The following DPF3 variants were observed in gnomAD, a reference collection of about 807,000 sequenced individuals.
The protein encoded by DPF3 is zinc finger protein DPF3.
DPF3 carries 18 observed loss-of-function variants against 56.8 expected under a neutral mutation model. That is an observed-to-expected ratio of 0.32 (90% CI 0.22 to 0.47). The LOEUF is 0.47. DPF3 is among the 20% of genes least tolerant of loss of function. DPF3 has a pLI of 1.00. For synonymous variants in DPF3, 188 were observed against 180.2 expected, an observed-to-expected ratio of 1.04 and a Z score of -0.35; for missense variants, 403 against 488.8, an observed-to-expected ratio of 0.82 and a Z score of 1.65.
intron 1 of DPF3, chr14:72,836,503 T>A (rs947504390): frequency 1.0e-6 from 1 of 985,302 alleles, no homozygotes; most frequent in African/African-American, 1.7e-5. Context: ...TCCCTTGGGG[T>A]TCTGACCACC....
intron 3 of DPF3, among the ~76,000 whole-genome samples, chr14:72,736,170 T>A (rs1889886470): frequency 1.3e-5 from 2 of 152,210 alleles, no homozygotes; most frequent in Admixed American, 1.3e-4. Context: ...AATAAGATAT[T>A]GTATCCGATC....
rs113857618 is a variant in DPF3, at chr14:72,746,309, G to A, written c.301+6955C>T. 7.4e-3 allele frequency among the ~76,000 whole-genome samples: 1,125 copies of A among 152,336 alleles called. 15 individuals are homozygous for A. The highest frequency in any genetic ancestry group is 0.026 in the African/African-American group (1,085 of 41,572). ...TGGCTGCTTGGAGGTACCAGGCTGA[G>A]GCTCGTTACCACTGACTCCAGGGCA... On this transcript the variant is annotated intron_variant, in intron 3 of 10. Coordinates refer to ENST00000556509, the MANE Select transcript of DPF3 (RefSeq NM_001280542.3).
intron 2 of DPF3, among the ~76,000 whole-genome samples, chr14:72,768,402 GT>G (rs1365706531): frequency 6.6e-6 from 1 of 152,150 alleles, no homozygotes; most frequent in Non-Finnish European, 1.5e-5. Context: ...GTGTTGGGTG[GT>G]AATAGAATAG....
At chr14:72,681,586 A>G (rs1599352787) in intron 7 of DPF3, among the ~76,000 whole-genome samples, 1 of 152,296 alleles carries the variant, frequency 6.6e-6, no homozygotes, top group South Asian at 2.1e-4. Context: ...CACCCTTCCT[A>G]TGCCTGCCTT....
At chr14:72,819,072 G>A (rs1277038991) in intron 1 of DPF3, among the ~76,000 whole-genome samples, 1 of 152,164 alleles carries the variant, frequency 6.6e-6, no homozygotes, top group Non-Finnish European at 1.5e-5. Context: ...CACAAAAGAA[G>A]ATAGCCAATA....
intron 1 of DPF3, among the ~76,000 whole-genome samples, chr14:72,842,351 G>A (rs569848997): frequency 1.3e-5 from 2 of 152,234 alleles, no homozygotes; most frequent in South Asian, 2.1e-4. Context: ...AGTAAAATGG[G>A]AAAATAAATC....
chr14:72,753,561 C>G lies in DPF3; in HGVS notation c.194-190G>C, dbSNP rs186817286. On this transcript the variant is annotated intron_variant, in intron 2 of 10. Transcript: ENST00000556509. ...AGGTCATCTGACCCCAGGACCCTGG[C>G]TCTGTCAGCTCCACCATGCTGTTCA... Among the ~76,000 whole-genome samples, 7 of 152,316 alleles carry G rather than the reference C, an allele frequency of 4.6e-5. No homozygotes were observed. The East Asian group carries it at 1.2e-3, about 25-fold the overall frequency.
At chr14:72,861,788 A>AAAGAAAGC (rs1885444132) in intron 1 of DPF3, among the ~76,000 whole-genome samples, 1 of 151,152 alleles carries the variant, frequency 6.6e-6, no homozygotes, top group Admixed American at 6.6e-5. Flanking sequence ...AGAAAGAAAG[A>AAAGAAAGC]AAGAAAGAAA....
At chr14:72,690,699 ATG>A (rs1176476207) in intron 7 of DPF3, among the ~76,000 whole-genome samples, 1 of 152,118 alleles carries the variant, frequency 6.6e-6, no homozygotes, top group Non-Finnish European at 1.5e-5. Flanking sequence ...ACCAAGGAAA[ATG>A]AGACACAGAC....
intron 9 of DPF3, among the ~76,000 whole-genome samples, chr14:72,621,199 A>C (rs1472108228): frequency 6.6e-6 from 1 of 151,974 alleles, no homozygotes; most frequent in Non-Finnish European, 1.5e-5. Flanking sequence ...CATTTGGAAC[A>C]TGCCTCTTTT....
intron 1 of DPF3, among the ~76,000 whole-genome samples, chr14:72,811,897 C>A (rs1364610325): frequency 6.6e-6 from 1 of 151,984 alleles, no homozygotes; most frequent in Non-Finnish European, 1.5e-5. Context: ...CTCCAGGGCA[C>A]CCAGCCCTGG....
intron 8 of DPF3, among the ~76,000 whole-genome samples, chr14:72,656,504 T>C (rs907445785): frequency 1.3e-5 from 2 of 152,166 alleles, no homozygotes; most frequent in African/African-American, 4.8e-5. Context: ...TCATCACCTC[T>C]CAAAAAAGTA....
At chr14:72,719,345 G>A (rs992441805) in intron 5 of DPF3, among the ~76,000 whole-genome samples, 3 of 151,840 alleles carry the variant, frequency 2.0e-5, no homozygotes, top group African/African-American at 7.3e-5. Context: ...TTACAGTTGT[G>A]AGCCACCGCA....
rs1044491690 is a variant in DPF3 at position 72,609,232 on chromosome 14, C to T, written c.*10065G>A. ...CGAGGGGTCCCAAAGAAGAAGGCTG[C>T]TCGATCCCCACATTCTTCATCTCAT... On this transcript the variant is annotated 3_prime_UTR_variant, in exon 11 of 11. Transcript: ENST00000556509. Among the ~76,000 whole-genome samples the T allele has an allele frequency of 6.6e-6, 1 of 152,150 alleles. No individual in the cohort carries two copies. Among genetic ancestry groups the T allele is most frequent in the East Asian group, 1.9e-4 (1 of 5,196 alleles).
intron 1 of DPF3, among the ~76,000 whole-genome samples, chr14:72,868,275 G>A (rs186252914): frequency 4.5e-4 from 68 of 152,284 alleles, no homozygotes; most frequent in South Asian, 1.2e-3. Flanking sequence ...CCATCACTTT[G>A]TAATGGTCTC....
At chr14:72,847,480 G>A (rs939878880) in intron 1 of DPF3, among the ~76,000 whole-genome samples, 2 of 151,846 alleles carry the variant, frequency 1.3e-5, no homozygotes, top group African/African-American at 4.8e-5. Flanking sequence ...TCTGCTAACC[G>A]TGCCTCAGTT....
intron 8 of DPF3, chr14:72,662,833 A>G: frequency 4.1e-6 from 4 of 985,404 alleles, no homozygotes; most frequent in Non-Finnish European, 4.8e-6. Context: ...CATAATGTTG[A>G]CTGCAGAGGG....
chr14:72,693,087 TC>T lies in DPF3; in HGVS notation c.730del (p.Glu244ArgfsTer28). The T allele has an allele frequency of 6.2e-7, 1 of 1,614,032 alleles. No homozygotes were observed. Among genetic ancestry groups the T allele is most frequent in the Non-Finnish European group, 8.5e-7 (1 of 1,179,894 alleles). ...AAGTAGGCACTCACGCCTGTGGTTCTCATTTCTGTGGTTGGGTGGGGACCGA... is the reference window on the plus strand; with the variant it reads ...AAGTAGGCACTCACGCCTGTGGTTCTATTTCTGTGGTTGGGTGGGGACCGA... ...ETRSPPNHRN[E>X]NHRPQKGPDG... On this transcript the variant is annotated frameshift_variant, in exon 7 of 11. Transcript: ENST00000556509. LOFTEE classifies it high-confidence loss of function.
chr14:72,621,356 C>T (rs918380600), intron 9 of DPF3, among the ~76,000 whole-genome samples: 1 of 151,858 alleles, frequency 6.6e-6, no homozygotes. Context: ...CTAGTTTCAG[C>T]TCTGTTCTAT....
Sources: gnomAD v4.1 joint callset for allele counts (sites outside exome capture counted in the v4.1 genomes callset) on GRCh38, gnomAD v4.1.1 for gene constraint, MANE v1.5 for transcripts, NCBI Gene and HGNC (gene_info 2026-07-23, HGNC 2026-07-21) for gene names.